Variants in FAHD1 observed in about 807,000 individuals in gnomAD.
The protein encoded by FAHD1 is FAH domain containing oxaloacetate decarboxylase 1.
Under a neutral mutation model 12.7 loss-of-function variants are expected in FAHD1, and 14 were observed. That is an observed-to-expected ratio of 1.10 (90% CI 0.73 to 1.72). The LOEUF (loss-of-function observed/expected upper bound fraction) is 1.72, where lower values mean the gene tolerates loss of function less well. Ranked by LOEUF, FAHD1 falls within the 40% of genes most tolerant of loss-of-function variation. FAHD1 has a pLI of 0.00. For synonymous variants in FAHD1, 153 were observed against 124.9 expected (o/e 1.22, Z -1.50); for missense variants, 351 against 298.9 (o/e 1.17, Z -1.29).
chr16:1,834,224 T>A lies in FAHD1; in HGVS notation c.628-3792T>A, dbSNP rs574188290. 1.2e-5 allele frequency: 14 copies of A among 1,176,902 alleles called. No individual in the cohort carries two copies. In the Admixed American group the frequency reaches 2.3e-4, roughly 19 times the overall value. 72.9% of individuals were successfully genotyped at this position (1,176,902 alleles called of 1,614,324 possible). On this transcript the variant is annotated intron_variant, in intron 1 of 2. Transcript: ENST00000382666. ...ATTTTAAAGGGAGTTAAAACTCTTA[T>A]ACTTTTCCAGAGTTCAAAATGATAG... is the stretch of plus-strand genomic sequence containing the variant.
rs1218599660 is a variant in FAHD1, at chr16:1,834,270, G to C, written c.628-3746G>C. On this transcript the variant is annotated intron_variant, in intron 1 of 2. Coordinates refer to the FAHD1 transcript ENST00000382666. Reference sequence around the variant, plus strand: ...GATAGACCGTTTTAAACATGTTTTTGTCCAGACAAGTTTCTGCTTGCCTCA... The same window carrying C: ...GATAGACCGTTTTAAACATGTTTTTCTCCAGACAAGTTTCTGCTTGCCTCA... 3.1e-6 allele frequency: 5 copies of C among 1,598,728 alleles called. No homozygotes were observed. The East Asian group carries it at 1.1e-4, about 36-fold the overall frequency.
downstream of FAHD1, among the ~76,000 whole-genome samples, chr16:1,830,069 G>C (rs1898594285): frequency 6.6e-6 from 1 of 152,202 alleles, no homozygotes; most frequent in Admixed American, 6.5e-5. Flanking sequence ...CACCATGTTG[G>C]TCAAGCTGGT....
At chr16:1,828,059 C>T (rs561974633) in exon 1 of FAHD1, 1 of 1,354,116 alleles carries the variant, frequency 7.4e-7, no homozygotes, top group East Asian at 2.6e-5. Context: ...AGGCGGGCGG[C>T]TCACGACGTC....
chr16:1,838,617 G>A lies in FAHD1; in HGVS notation c.*8+483G>A, dbSNP rs1898812120. Among the ~76,000 whole-genome samples, 3 of 152,190 alleles carry A rather than the reference G, an allele frequency of 2.0e-5. No individual in the cohort carries two copies. In the South Asian group the frequency reaches 6.2e-4, roughly 32 times the overall value. ...TTCCTAGAAAAACCACCTTATGACTGATCAACATCTCCGACTTGTTGTTTT... is the reference window on the plus strand; with the variant it reads ...TTCCTAGAAAAACCACCTTATGACTAATCAACATCTCCGACTTGTTGTTTT... On this transcript the variant is annotated intron_variant, in intron 2 of 2. Transcript: ENST00000382666.
exon 1 of FAHD1, chr16:1,828,398 A>C: frequency 2.0e-6 from 2 of 1,001,814 alleles, no homozygotes; most frequent in Non-Finnish European, 2.4e-6. Flanking sequence ...AAATGAAAAC[A>C]GGCAAGTAAA....
At chr16:1,827,586 G>C in exon 1 of FAHD1, 1 of 1,613,698 alleles carries the variant, frequency 6.2e-7, no homozygotes, top group South Asian at 1.1e-5. Context: ...GGCTGCCCTG[G>C]ACTCTGGCGA....
exon 1 of FAHD1, chr16:1,827,562 G>A (rs770055326): frequency 6.2e-7 from 1 of 1,613,468 alleles, no homozygotes; most frequent in Non-Finnish European, 8.5e-7. Context: ...TGCAGGACGA[G>A]TGCAAGAAGA....
exon 3 of FAHD1, chr16:1,839,653 G>T: frequency 2.1e-6 from 1 of 474,622 alleles, no homozygotes; most frequent in Non-Finnish European, 3.7e-6. Flanking sequence ...GCGTACACCA[G>T]TCCTCTGCCT....
chr16:1,837,773 A>C, intron 1 of FAHD1: 2 of 1,382,096 alleles, frequency 1.4e-6, no homozygotes, highest in Non-Finnish European at 2.0e-6. Flanking sequence ...GGGACTATAA[A>C]ATGCACTAAC....
exon 1 of FAHD1, chr16:1,827,804 C>T (rs1898529073): frequency 1.2e-6 from 2 of 1,614,044 alleles, no homozygotes; most frequent in South Asian, 1.1e-5. Flanking sequence ...TTGACTGGGA[C>T]GCCAAAGGGA....
chr16:1,838,045 G>C (rs1168374616), exon 2 of FAHD1: 1 of 1,267,816 alleles, frequency 7.9e-7, no homozygotes, highest in Non-Finnish European at 1.1e-6. Flanking sequence ...CGCCCAAGCT[G>C]GAGTGCAGCA....
chr16:1,828,874 A>G (rs1898569001), exon 1 of FAHD1: 1 of 1,000,298 alleles, frequency 1.0e-6, no homozygotes, highest in South Asian at 4.7e-5. Flanking sequence ...GATGATTTTG[A>G]AATTACTGTT....
In FAHD1 at chr16:1,838,091, G is replaced by A. The variant is rs1898798272; in HGVS notation, c.703G>A (p.Gly235Arg). ...AGCTCACTGCAGCCTCGAACTCCCG[G>A]GGTCAAGCAATCCTCCCTCAGCTTC... Residue 235 changes from glycine (G) to arginine (R), a missense_variant, in exon 2 of 3, where the codon GGG (glycine) becomes AGG (arginine). Physicochemically the swap from Gly to Arg is moderately radical, Grantham distance 125. Coordinates refer to the FAHD1 transcript ENST00000382666. 8 of 771,624 alleles carry A rather than the reference G, an allele frequency of 1.0e-5. No individual in the cohort carries two copies. The East Asian group carries it at 1.9e-4, about 18-fold the overall frequency. The allele number at this position is 771,624 out of a possible 1,614,324, so 47.8% of individuals were successfully genotyped here.
At chr16:1,830,913 T>TACACACA (rs1567269113), downstream of FAHD1, among the ~76,000 whole-genome samples, 1 of 50,598 alleles carries the variant, frequency 2.0e-5, no homozygotes, top group African/African-American at 7.9e-5. Context: ...CCTCTCTCTC[T>TACACACA]CTATACACAC....
chr16:1,827,881 A>G (rs1482326346), exon 1 of FAHD1: 1 of 1,613,380 alleles, frequency 6.2e-7, no homozygotes, highest in African/African-American at 1.3e-5. Flanking sequence ...TATGACATTT[A>G]AAGTGGAAAA....
At chr16:1,839,764 C>T (rs754164242) in exon 3 of FAHD1, 2 of 254,578 alleles carry the variant, frequency 7.9e-6, no homozygotes, top group Non-Finnish European at 1.5e-5. Flanking sequence ...GCCTTTCTCT[C>T]TTGGAACAGC....
At chr16:1,837,924 C>G in intron 1 of FAHD1, 1 of 1,453,146 alleles carries the variant, frequency 6.9e-7, no homozygotes, top group South Asian at 1.4e-5. Context: ...AAAGAAAATT[C>G]ATTTTTGACA....
chr16:1,828,278 A>C, exon 1 of FAHD1: 4 of 962,016 alleles, frequency 4.2e-6, no homozygotes, highest in Non-Finnish European at 5.0e-6. Context: ...CCGTCTCAAA[A>C]AAAAAAAAAA....
chr16:1,836,236 G>A (rs1384403652), intron 1 of FAHD1, among the ~76,000 whole-genome samples: 5 of 152,126 alleles, frequency 3.3e-5, no homozygotes, highest in Non-Finnish European at 7.3e-5. Context: ...AAAATACTGT[G>A]TTACCTAATG....
Sources: allele counts gnomAD v4.1 joint callset (sites outside exome capture counted in the v4.1 genomes callset), GRCh38; gene constraint gnomAD v4.1.1; transcripts MANE v1.5; gene names NCBI Gene and HGNC (gene_info 2026-07-23, HGNC 2026-07-21).